Variants in NRXN3 observed in about 807,000 individuals in gnomAD.
NRXN3 encodes neurexin III.
In NRXN3, 32 loss-of-function variants were observed where a neutral mutation model predicts 137.6. That is an observed-to-expected ratio of 0.23 (90% CI 0.18 to 0.31). NRXN3 has a LOEUF of 0.31. NRXN3 is among the 10% of genes least tolerant of loss of function. The probability of loss-of-function intolerance (pLI) is 1.00; values close to 1 mark genes in which losing one functional copy is unlikely to be tolerated. For synonymous variants in NRXN3, 798 were observed against 784.5 expected (o/e 1.02, Z -0.29); for missense variants, 1,574 against 2,062.5 (o/e 0.76, Z 4.59).
At chr14:78,913,281 T>TC (rs1291112225) in intron 10 of NRXN3, among the ~76,000 whole-genome samples, 1 of 131,362 alleles carries the variant, frequency 7.6e-6, no homozygotes, top group Non-Finnish European at 1.6e-5. Flanking sequence ...TTTCTTTTTT[T>TC]TTTTTTTTTT....
intron 10 of NRXN3, among the ~76,000 whole-genome samples, chr14:78,882,951 C>G (rs991256747): frequency 2.0e-5 from 3 of 151,982 alleles, no homozygotes; most frequent in African/African-American, 7.3e-5. Flanking sequence ...AGTGGTTACC[C>G]TCATGCTGTT....
intron 14 of NRXN3, among the ~76,000 whole-genome samples, chr14:78,980,836 C>G (rs2099487455): frequency 6.6e-6 from 1 of 152,154 alleles, no homozygotes; most frequent in Admixed American, 6.5e-5. Context: ...GTTGTCTTGT[C>G]ACTTTCTGTA....
chr14:78,538,254 G>A (rs1281034084), intron 4 of NRXN3, among the ~76,000 whole-genome samples: 1 of 152,184 alleles, frequency 6.6e-6, no homozygotes, highest in Non-Finnish European at 1.5e-5. Flanking sequence ...AGCATGGAAT[G>A]TACTTCCATT....
intron 4 of NRXN3, among the ~76,000 whole-genome samples, chr14:78,585,161 T>G (rs2097049778): frequency 6.6e-6 from 1 of 150,982 alleles, no homozygotes; most frequent in Admixed American, 6.6e-5. Context: ...GATTAATTTA[T>G]GTAGACATTC....
intron 8 of NRXN3, among the ~76,000 whole-genome samples, chr14:78,775,636 T>C (rs1248683667): frequency 1.3e-5 from 2 of 152,234 alleles, no homozygotes; most frequent in East Asian, 1.9e-4. Flanking sequence ...CATATTCTGC[T>C]AGGTCAATAA....
chr14:78,268,561 T>C (rs888601174), intron 2 of NRXN3, among the ~76,000 whole-genome samples: 1 of 152,142 alleles, frequency 6.6e-6, no homozygotes, highest in African/African-American at 2.4e-5. Context: ...GGATGATAGA[T>C]TTGGGTGGTG....
In NRXN3 at chr14:78,384,371, G is replaced by T. The variant is rs937523878; in HGVS notation, c.757+86511G>T. ...AAGATAAGGAGAGGCTGGAATGTTG[G>T]ATAACCATCCCCAACCCCCAATGAC... On this transcript the variant is annotated intron_variant, in intron 4 of 20. Transcript: ENST00000335750. 5.9e-5 allele frequency among the ~76,000 whole-genome samples: 9 copies of T among 152,112 alleles called. No individual in the cohort carries two copies. In the South Asian group the frequency reaches 8.3e-4, roughly 14 times the overall value.
At chr14:79,776,123 C>T (rs1179159065) in intron 19 of NRXN3, among the ~76,000 whole-genome samples, 3 of 152,138 alleles carry the variant, frequency 2.0e-5, no homozygotes, top group African/African-American at 7.2e-5. Flanking sequence ...ATCAAAATGC[C>T]ACATTTCCAC....
At chr14:79,498,487 A>C (rs2096788735) in intron 16 of NRXN3, among the ~76,000 whole-genome samples, 1 of 152,178 alleles carries the variant, frequency 6.6e-6, no homozygotes, top group Admixed American at 6.5e-5. Context: ...CCAAAATGGA[A>C]TTCTTGATCC....
At chr14:79,729,204 A>G (rs1037421245) in intron 19 of NRXN3, among the ~76,000 whole-genome samples, 1 of 152,212 alleles carries the variant, frequency 6.6e-6, no homozygotes. Flanking sequence ...GTAGATTAAC[A>G]AAGTTGGCAT....
At chr14:79,768,186 A>AG (rs1208955345) in intron 19 of NRXN3, among the ~76,000 whole-genome samples, 1 of 152,226 alleles carries the variant, frequency 6.6e-6, no homozygotes, top group Non-Finnish European at 1.5e-5. Context: ...GGCAGCAGCC[A>AG]GACTGGGGGA....
intron 15 of NRXN3, among the ~76,000 whole-genome samples, chr14:79,322,877 C>T (rs2090263634): frequency 6.6e-6 from 1 of 152,160 alleles, no homozygotes; most frequent in Non-Finnish European, 1.5e-5. Context: ...CTTTCACAAA[C>T]AAGAAGGCAT....
At chr14:78,869,985 G>T (rs986006494) in intron 10 of NRXN3, among the ~76,000 whole-genome samples, 3 of 152,206 alleles carry the variant, frequency 2.0e-5, no homozygotes, top group Non-Finnish European at 4.4e-5. Context: ...GTAACATCAG[G>T]AGTAATGGGA....
chr14:79,174,934 A>G (rs1336761047), intron 15 of NRXN3, among the ~76,000 whole-genome samples: 2 of 151,570 alleles, frequency 1.3e-5, no homozygotes, highest in East Asian at 3.9e-4. Context: ...AAGAAATCAA[A>G]TTTTAGATAT....
At chr14:78,430,475 A>C (rs2093835517) in intron 4 of NRXN3, among the ~76,000 whole-genome samples, 1 of 152,226 alleles carries the variant, frequency 6.6e-6, no homozygotes, top group African/African-American at 2.4e-5. Context: ...AGTGACTTTC[A>C]TAAAAGCAGA....
intron 15 of NRXN3, among the ~76,000 whole-genome samples, chr14:79,421,390 ATCTT>A (rs777786044): frequency 6.6e-6 from 1 of 152,194 alleles, no homozygotes; most frequent in African/African-American, 2.4e-5. Context: ...TAACTAAACT[ATCTT>A]TATTTCCTTT....
chr14:78,458,723 C>T (rs1474726900), intron 4 of NRXN3, among the ~76,000 whole-genome samples: 1 of 152,210 alleles, frequency 6.6e-6, no homozygotes, highest in African/African-American at 2.4e-5. Context: ...TAGCTATTAA[C>T]TTAGAGAGGC....
chr14:78,317,949 C>T (rs1199765408), intron 4 of NRXN3, among the ~76,000 whole-genome samples: 1 of 152,120 alleles, frequency 6.6e-6, no homozygotes, highest in African/African-American at 2.4e-5. Context: ...TAGGGGGAGG[C>T]TGGATATTTG....
intron 15 of NRXN3, among the ~76,000 whole-genome samples, chr14:79,127,903 G>A (rs77843219): frequency 6.6e-6 from 1 of 151,066 alleles, no homozygotes; most frequent in Non-Finnish European, 1.5e-5. Flanking sequence ...TCCCTTGTAA[G>A]TTGGATTCCT....
Sources: gnomAD v4.1 joint callset for allele counts (sites outside exome capture counted in the v4.1 genomes callset) on GRCh38, gnomAD v4.1.1 for gene constraint, MANE v1.5 for transcripts, NCBI Gene and HGNC (gene_info 2026-07-23, HGNC 2026-07-21) for gene names.